ARHGAP32: variants seen among roughly 807,000 people sequenced by gnomAD.
The protein encoded by ARHGAP32 is Rho GTPase activating protein 32.
In ARHGAP32, 51 loss-of-function variants were observed where a neutral mutation model predicts 186.5. That is an observed-to-expected ratio of 0.27 (90% CI 0.22 to 0.35). The LOEUF (loss-of-function observed/expected upper bound fraction) is 0.35. Ranked by LOEUF, ARHGAP32 falls within the 10% of genes least tolerant of loss-of-function variation. ARHGAP32 has a pLI of 1.00. For synonymous variants in ARHGAP32, 950 were observed against 964.3 expected (o/e 0.99, Z 0.27); for missense variants, 2,186 against 2,623.5 (o/e 0.83, Z 3.64).
intron 5 of ARHGAP32, among the ~76,000 whole-genome samples, chr11:129,112,356 T>C (rs1436000618): frequency 1.3e-5 from 2 of 152,232 alleles, no homozygotes; most frequent in South Asian, 2.1e-4. Flanking sequence ...TCAGTTTTAC[T>C]ATGATGTGCC....
At chr11:129,038,651 T>C (rs1014170571) in intron 11 of ARHGAP32, among the ~76,000 whole-genome samples, 1 of 147,674 alleles carries the variant, frequency 6.8e-6, no homozygotes, top group African/African-American at 2.5e-5. Flanking sequence ...AAGTGGGAGG[T>C]TGAGGTGGAA....
chr11:129,168,063 A>G (rs1229118649), intron 1 of ARHGAP32, among the ~76,000 whole-genome samples: 1 of 152,092 alleles, frequency 6.6e-6, no homozygotes, highest in African/African-American at 2.4e-5. Flanking sequence ...TGGGCAAGAC[A>G]GTTGGACCCC....
At chr11:129,273,560 A>C (rs1274545977) in intron 1 of ARHGAP32, among the ~76,000 whole-genome samples, 2 of 152,176 alleles carry the variant, frequency 1.3e-5, no homozygotes, top group Non-Finnish European at 2.9e-5. Flanking sequence ...TTTCCTGTTA[A>C]AAGTTGCTTC....
At chr11:129,134,096 A>G (rs1381844894) in intron 2 of ARHGAP32, among the ~76,000 whole-genome samples, 1 of 152,184 alleles carries the variant, frequency 6.6e-6, no homozygotes, top group African/African-American at 2.4e-5. Context: ...AGTATGTAAA[A>G]AAGATAAAAA....
chr11:129,241,730 A>G (rs1197612901), intron 1 of ARHGAP32, among the ~76,000 whole-genome samples: 2 of 152,224 alleles, frequency 1.3e-5, no homozygotes, highest in East Asian at 3.8e-4. Context: ...CTCACACAGA[A>G]GCCCTTCGAA....
intron 5 of ARHGAP32, among the ~76,000 whole-genome samples, chr11:129,104,695 AAAG>A (rs1464618292): frequency 6.6e-6 from 1 of 152,052 alleles, no homozygotes; most frequent in Non-Finnish European, 1.5e-5. Flanking sequence ...ACTAAAAGAG[AAAG>A]AAGATGGCCA....
chr11:129,018,073 G>T (rs1390227780), intron 11 of ARHGAP32, among the ~76,000 whole-genome samples: 2 of 151,758 alleles, frequency 1.3e-5, no homozygotes, highest in Non-Finnish European at 2.9e-5. Context: ...GAAGTTCTGG[G>T]ATACAAGTGC....
chr11:129,002,574 C>T (rs867997681), intron 11 of ARHGAP32, among the ~76,000 whole-genome samples: 7 of 152,072 alleles, frequency 4.6e-5, no homozygotes, highest in Non-Finnish European at 5.9e-5. Context: ...AATTTGAGTG[C>T]CCTTTATTTC....
upstream of ARHGAP32, among the ~76,000 whole-genome samples, chr11:129,196,805 C>A (rs569678409): frequency 7.2e-5 from 11 of 152,254 alleles, no homozygotes; most frequent in South Asian, 8.3e-4. Context: ...TGCCTGTAAT[C>A]CTAGCACTTG....
chr11:129,008,887 T>C (rs1389043374), intron 11 of ARHGAP32, among the ~76,000 whole-genome samples: 4 of 152,208 alleles, frequency 2.6e-5, no homozygotes, highest in East Asian at 1.9e-4. Flanking sequence ...AATATCACTA[T>C]ATTAAAAGTT....
intron 5 of ARHGAP32, among the ~76,000 whole-genome samples, chr11:129,120,565 T>C (rs1303701223): frequency 6.6e-6 from 1 of 152,100 alleles, no homozygotes; most frequent in Non-Finnish European, 1.5e-5. Context: ...AATTGATCAT[T>C]GGAATTTCTA....
At chr11:128,992,227 C>T (rs753665060) in intron 12 of ARHGAP32, among the ~76,000 whole-genome samples, 5 of 152,124 alleles carry the variant, frequency 3.3e-5, no homozygotes, top group Non-Finnish European at 7.4e-5. Context: ...AGAGAGTCCT[C>T]TCCGAGGGTT....
chr11:129,060,822 T>C (rs1252280039), intron 10 of ARHGAP32, among the ~76,000 whole-genome samples: 1 of 151,798 alleles, frequency 6.6e-6, no homozygotes, highest in Non-Finnish European at 1.5e-5. Context: ...AAAAAAATTA[T>C]ACATCAGACC....
chr11:129,193,697 TATA>T (rs1245711115), upstream of ARHGAP32, among the ~76,000 whole-genome samples: 25 of 30,292 alleles, frequency 8.3e-4, no homozygotes, highest in Non-Finnish European at 1.4e-3. Flanking sequence ...TATTATATAA[TATA>T]TAATATATAT....
chr11:128,983,978 T>C (rs1483323129), intron 15 of ARHGAP32, among the ~76,000 whole-genome samples: 1 of 152,062 alleles, frequency 6.6e-6, no homozygotes, highest in Non-Finnish European at 1.5e-5. Flanking sequence ...TTGAGAATAA[T>C]AATTTAGATT....
rs756000808 is a variant in ARHGAP32, at chr11:128,970,541, C to A, written c.4672G>T (p.Ala1558Ser). 3 of 1,614,042 alleles carry A rather than the reference C, an allele frequency of 1.9e-6. No individual in the cohort carries two copies. Among genetic ancestry groups the A allele is most frequent in the Admixed American group, 1.7e-5 (1 of 60,004 alleles). The stretch of plus-strand genomic sequence containing the variant: ...CATGGCTTGGAGTGGTGTCCAGATG[C>A]GTTTCTTCCTGGGGCCACATATGTG... The part of the protein sequence containing the change: ...YNTYVAPGRN[A>S]SGHHSKPCSR... The change falls in exon 23 of 23, where the codon GCA becomes TCA. Residue 1558 changes from alanine (A) to serine (S), a missense_variant. Around this residue, in one of 5 missense-constraint regions of ARHGAP32, gnomAD observed 1,502 missense variants for 1,570.0 expected, o/e 0.96. Coordinates refer to ENST00000682385, the MANE Select transcript of ARHGAP32 (RefSeq NM_001378024.1). This position sits in a 1 kb window ranked among gnomAD's most constrained non-coding sequence, Gnocchi z 5.8.
chr11:129,171,477 TTGTAGATGTGTGG>T (rs1222975424), intron 1 of ARHGAP32, among the ~76,000 whole-genome samples: 2 of 152,124 alleles, frequency 1.3e-5, no homozygotes, highest in African/African-American at 4.8e-5. Flanking sequence ...GATCAGAGGG[TTGTAGATGTGTGG>T]TGTTATTTCC....
intron 2 of ARHGAP32, among the ~76,000 whole-genome samples, chr11:129,143,089 A>ATAT (rs66832335): frequency 6.9e-6 from 1 of 145,666 alleles, no homozygotes; most frequent in African/African-American, 2.5e-5. Flanking sequence ...ATATATATAT[A>ATAT]ATCAACTGAA....
At chr11:129,023,700 T>C (rs1056897421) in intron 11 of ARHGAP32, among the ~76,000 whole-genome samples, 3 of 152,176 alleles carry the variant, frequency 2.0e-5, no homozygotes, top group Admixed American at 1.3e-4. Context: ...AATACTAATG[T>C]TCAAGTGCTG....
Sources: allele counts gnomAD v4.1 joint callset (sites outside exome capture counted in the v4.1 genomes callset), GRCh38; gene constraint gnomAD v4.1.1; regional missense constraint gnomAD v4.1.1; non-coding constraint Gnocchi (gnomAD v3.1); transcripts MANE v1.5; gene names NCBI Gene and HGNC (gene_info 2026-07-23, HGNC 2026-07-21).